RHOBTB2: variants seen among roughly 807,000 people sequenced by gnomAD.
The protein encoded by RHOBTB2 is rho-related BTB domain-containing protein 2.
In RHOBTB2, 39 loss-of-function variants were observed where a neutral mutation model predicts 66.5. That is an observed-to-expected ratio of 0.59 (90% CI 0.45 to 0.77). The LOEUF (loss-of-function observed/expected upper bound fraction) is 0.77. Ranked by LOEUF, RHOBTB2 falls within the 30% of genes least tolerant of loss-of-function variation. The pLI is 0.00. For synonymous variants in RHOBTB2, 390 were observed against 395.0 expected, an observed-to-expected ratio of 0.99 and a Z score of 0.15; for missense variants, 755 against 999.1, an observed-to-expected ratio of 0.76 and a Z score of 3.29.
the RHOBTB2 span, among the ~76,000 whole-genome samples, chr8:22,958,802 GAAAA>G: frequency 0.044 from 2,286 of 52,042 alleles, 45 homozygotes; most frequent in African/African-American, 0.1. Flanking sequence ...GCCCCTCTCT[GAAAA>G]AAAAAAAAAA....
the RHOBTB2 span, among the ~76,000 whole-genome samples, chr8:22,955,739 T>G: frequency 6.6e-6 from 1 of 151,998 alleles, no homozygotes; most frequent in African/African-American, 2.4e-5. Flanking sequence ...CCAACTAATT[T>G]ATAAATTATT....
At chr8:22,997,880 G>C (rs1810620303), upstream of RHOBTB2, among the ~76,000 whole-genome samples, 1 of 152,240 alleles carries the variant, frequency 6.6e-6, no homozygotes, top group Non-Finnish European at 1.5e-5. Flanking sequence ...TTGGCACACA[G>C]AAGATGGGGT....
chr8:23,013,186 G>A lies in RHOBTB2; in HGVS notation c.1772-1504G>A, dbSNP rs1303801811. On this transcript the variant is annotated intron_variant, in intron 7 of 9. Coordinates refer to ENST00000251822, the MANE Select transcript of RHOBTB2 (RefSeq NM_015178.3). ...CAGCCTCAAGTGATCCTCCCATCTC[G>A]GCTTCCCAAAGTGCTGTGATTACAG... 3.3e-5 allele frequency among the ~76,000 whole-genome samples: 5 copies of A among 152,076 alleles called. 1 individual carries two copies. The highest frequency in any genetic ancestry group is 1.9e-4 in the East Asian group (1 of 5,182).
chr8:22,982,153 A>G, the RHOBTB2 span, among the ~76,000 whole-genome samples: 2 of 152,228 alleles, frequency 1.3e-5, no homozygotes, highest in Non-Finnish European at 2.9e-5. Flanking sequence ...GAAGACTCAG[A>G]GGCCACTGGT....
the RHOBTB2 span, among the ~76,000 whole-genome samples, chr8:22,958,665 G>T: frequency 2.6e-4 from 39 of 152,064 alleles, no homozygotes; most frequent in East Asian, 6.4e-3. Flanking sequence ...GCTGGGCCTG[G>T]TGGTGCACAC....
chr8:23,019,995 C>T lies in RHOBTB2; in HGVS notation c.*2526C>T, dbSNP rs1260510667. ...GGGAGTCGGATTCAGGAAACACCCC[C>T]AGGAGGCCAAGCCTGAAAACAGAGG... On this transcript the variant is annotated 3_prime_UTR_variant, in exon 10 of 10. Transcript: ENST00000251822. 1.3e-5 allele frequency: 4 copies of T among 314,680 alleles called. No homozygotes were observed. The highest frequency in any genetic ancestry group is 4.2e-5 in the Admixed American group (1 of 23,554). The allele number at this position is 314,680 out of a possible 1,614,324, so 19.5% of individuals were successfully genotyped here.
upstream of RHOBTB2, chr8:22,999,026 CA>C (rs1810667973): frequency 6.6e-6 from 1 of 152,186 alleles, no homozygotes; most frequent in African/African-American, 2.4e-5. Context: ...TAACGTGGTA[CA>C]GGTACCCACC....
In RHOBTB2 at chr8:23,016,537, G is replaced by A. The variant is rs187877785; in HGVS notation, c.1967-715G>A. On this transcript the variant is annotated intron_variant, in intron 9 of 9. Coordinates refer to ENST00000251822, the MANE Select transcript of RHOBTB2 (RefSeq NM_015178.3). ...AGTGATTCTCATGCCTCAGCCTCCC[G>A]GGTAGCTGGGATTACAGGTACCCAC... Among the ~76,000 whole-genome samples, 326 of 151,932 alleles carry A rather than the reference G, an allele frequency of 2.1e-3. 2 individuals are homozygous for A. Among genetic ancestry groups the A allele is most frequent in the African/African-American group, 7.4e-3 (308 of 41,436 alleles).
the RHOBTB2 span, among the ~76,000 whole-genome samples, chr8:22,968,539 T>C: frequency 6.6e-6 from 1 of 152,174 alleles, no homozygotes; most frequent in Non-Finnish European, 1.5e-5. Context: ...AGAGTCAATG[T>C]GGCAGAATAT....
the RHOBTB2 span, among the ~76,000 whole-genome samples, chr8:22,980,402 C>A: frequency 6.6e-6 from 1 of 152,172 alleles, no homozygotes; most frequent in African/African-American, 2.4e-5. Context: ...TAAATGGTTG[C>A]TTCTATATTT....
the RHOBTB2 span, among the ~76,000 whole-genome samples, chr8:22,980,195 GGTTTA>G: frequency 6.6e-6 from 1 of 152,062 alleles, no homozygotes; most frequent in Non-Finnish European, 1.5e-5. Context: ...GAGAAAAAAA[GGTTTA>G]TTTATGTGCA....
intron 2 of RHOBTB2, among the ~76,000 whole-genome samples, chr8:22,992,873 C>T (rs1029042840): frequency 6.6e-5 from 10 of 152,232 alleles, no homozygotes; most frequent in African/African-American, 2.4e-4. Context: ...GTAGGGAGGA[C>T]TGGGGGAATG....
the RHOBTB2 span, among the ~76,000 whole-genome samples, chr8:22,975,343 G>A: frequency 6.6e-6 from 1 of 152,286 alleles, no homozygotes; most frequent in Middle Eastern, 3.4e-3. Flanking sequence ...AGAAAAGACT[G>A]CAGGCTGTGG....
intron 2 of RHOBTB2, chr8:22,994,490 G>A (rs1034285129): frequency 1.0e-5 from 9 of 887,908 alleles, no homozygotes; most frequent in East Asian, 5.3e-5. Flanking sequence ...AGTAATTCGC[G>A]GTGTGCTCAT....
chr8:22,976,108 T>C, the RHOBTB2 span, among the ~76,000 whole-genome samples: 1 of 151,910 alleles, frequency 6.6e-6, no homozygotes, highest in African/African-American at 2.4e-5. Flanking sequence ...ATCATGCCAT[T>C]GCACTCCAGC....
Position 23,014,714 on chromosome 8 carries a change from T to G in RHOBTB2, c.1796T>G (p.Met599Arg). The change falls in exon 8 of 10, where the codon ATG becomes AGG. Residue 599 changes from methionine to arginine, a missense_variant. Transcript: ENST00000251822. ...LTEQYTVTGL[M>R]EATQMMVDID... ...GAGCAGTACACAGTGACCGGGCTGA[T>G]GGAAGCGACCCAGATGATGGTGGAC... The G allele has an allele frequency of 6.2e-7, 1 of 1,614,150 alleles. No homozygotes were observed. Among genetic ancestry groups the G allele is most frequent in the Non-Finnish European group, 8.5e-7 (1 of 1,179,984 alleles).
chr8:23,007,267 G>A lies in RHOBTB2; in HGVS notation c.1022G>A (p.Arg341Gln), dbSNP rs1005521110. 6.8e-6 allele frequency: 11 copies of A among 1,612,914 alleles called. No homozygotes were observed. Among genetic ancestry groups the A allele is most frequent in the Non-Finnish European group, 8.5e-6 (10 of 1,179,960 alleles). The change falls in exon 5 of 10, where the codon CGA (arginine) becomes CAA (glutamine). Residue 341 changes from arginine (R) to glutamine (Q), a missense_variant. Arg to Gln is a conservative substitution (Grantham distance 43, BLOSUM62 1). Around this residue, in one of 7 missense-constraint regions of RHOBTB2, gnomAD observed 247 missense variants for 238.9 expected, o/e 1.03. Transcript: ENST00000251822. The stretch of plus-strand genomic sequence containing the variant: ...CACCATGGGCGAGACTTCCTGCTCC[G>A]AGCAGCCAGCTTTGACGTGTGCGAG... ...HHHHGRDFLLRAASFDVCESV... is the reference protein window; with the variant it reads ...HHHHGRDFLLQAASFDVCESV...
rs1811392152 is a variant in RHOBTB2, at chr8:23,018,951, A to AGC, written c.*1483_*1484dup. On this transcript the variant is annotated 3_prime_UTR_variant, in exon 10 of 10. Transcript: ENST00000251822. ...TGGAGGAATGTGGGGGATTGAAACT[A>AGC]GCTCCCAGCCCCCATGGGGCAGCAG... 6.6e-6 allele frequency: 1 copy of AGC among 152,438 alleles called. No homozygotes were observed. The highest frequency in any genetic ancestry group is 1.5e-5 in the Non-Finnish European group (1 of 68,122). 9.4% of individuals were successfully genotyped at this position (152,438 alleles called of 1,614,324 possible).
chr8:22,995,330 C>T (rs977221694), upstream of RHOBTB2, among the ~76,000 whole-genome samples: 14 of 152,240 alleles, frequency 9.2e-5, no homozygotes, highest in Non-Finnish European at 1.5e-4. Context: ...GCTCCCCTGC[C>T]GGTCCCAGGG....
Sources: allele counts gnomAD v4.1 joint callset (sites outside exome capture counted in the v4.1 genomes callset), GRCh38; gene constraint gnomAD v4.1.1; regional missense constraint gnomAD v4.1.1; transcripts MANE v1.5; gene names NCBI Gene and HGNC (gene_info 2026-07-23, HGNC 2026-07-21).